Variants in NFIB observed in about 807,000 individuals in gnomAD.
The protein encoded by NFIB is nuclear factor I B.
Under a neutral mutation model 61.5 loss-of-function variants are expected in NFIB, and 11 were observed. The ratio of observed to expected loss-of-function variants is 0.18; its 90% CI spans 0.11 to 0.30. NFIB has a LOEUF of 0.30. Among genes scored for constraint, NFIB ranks in the 10% least tolerant of loss-of-function variants. The pLI is 1.00. For missense variants in NFIB, 471 were observed against 608.9 expected, an observed-to-expected ratio of 0.77 and a Z score of 2.38; for synonymous variants, 260 against 216.5, an observed-to-expected ratio of 1.20 and a Z score of -1.76.
intron 1 of NFIB, among the ~76,000 whole-genome samples, chr9:14,321,080 C>T (rs1006423096): frequency 6.6e-6 from 1 of 152,102 alleles, no homozygotes; most frequent in Non-Finnish European, 1.5e-5. Context: ...GTGTCAAAGT[C>T]GAAACTGGCT....
At chr9:14,114,958 T>A (rs1230681941) in intron 9 of NFIB, among the ~76,000 whole-genome samples, 2 of 152,226 alleles carry the variant, frequency 1.3e-5, no homozygotes, top group East Asian at 3.9e-4. Context: ...AGCAAACCTC[T>A]AGAACAAAAT....
the NFIB span, among the ~76,000 whole-genome samples, chr9:14,410,243 C>T: frequency 9.2e-5 from 14 of 151,696 alleles, no homozygotes; most frequent in African/African-American, 3.4e-4. Flanking sequence ...TTCCAAATGA[C>T]CAAGCAGATT....
At chr9:14,236,172 G>A (rs112728467) in intron 2 of NFIB, among the ~76,000 whole-genome samples, 1 of 152,096 alleles carries the variant, frequency 6.6e-6, no homozygotes, top group Non-Finnish European at 1.5e-5. Context: ...ATATGGAACT[G>A]CCCACTAATA....
At chr9:14,426,908 G>A in the NFIB span, among the ~76,000 whole-genome samples, 1 of 152,112 alleles carries the variant, frequency 6.6e-6, no homozygotes, top group Non-Finnish European at 1.5e-5. Flanking sequence ...GAGCCATACT[G>A]AGATCCAGCA....
chr9:14,343,411 A>G (rs927521), intron 1 of NFIB, among the ~76,000 whole-genome samples: 9,010 of 152,136 alleles, frequency 0.059, 898 homozygotes, highest in African/African-American at 0.21. Context: ...TCACCCTTGC[A>G]GCCCAGTAGA....
chr9:14,446,340 TCC>T, the NFIB span, among the ~76,000 whole-genome samples: 21 of 152,362 alleles, frequency 1.4e-4, no homozygotes, highest in African/African-American at 4.8e-4. Context: ...TCTGCTTAAT[TCC>T]CCTTGTCTTA....
chr9:14,148,637 A>T (rs943146122), intron 5 of NFIB, among the ~76,000 whole-genome samples: 2 of 152,164 alleles, frequency 1.3e-5, no homozygotes, highest in African/African-American at 4.8e-5. Context: ...AGGGCAAGTT[A>T]ATGGAAGCAG....
In NFIB at chr9:14,085,747, G is replaced by A. The variant is rs575930589; in HGVS notation, c.*2562C>T. The A allele has an allele frequency of 4.6e-6, 1 of 219,186 alleles. No homozygotes were observed. Among genetic ancestry groups the A allele is most frequent in the African/African-American group, 2.2e-5 (1 of 44,650 alleles). The allele number at this position is 219,186 out of a possible 1,614,324, so 13.6% of individuals were successfully genotyped here. A position where few individuals can be genotyped will look rare whatever the true frequency, so the allele number is the denominator to read the frequency against. On this transcript the variant is annotated 3_prime_UTR_variant, in exon 11 of 11. Transcript: ENST00000380953. ...ATCCATTTGAAGTAGTAAGTCACAGGTAAATCATATCCTATCATTAATGAA... is the reference window on the plus strand; with the variant it reads ...ATCCATTTGAAGTAGTAAGTCACAGATAAATCATATCCTATCATTAATGAA...
At chr9:14,478,377 C>T in the NFIB span, among the ~76,000 whole-genome samples, 1 of 152,200 alleles carries the variant, frequency 6.6e-6, no homozygotes, top group Non-Finnish European at 1.5e-5. Context: ...GCTGTCATCT[C>T]CTTCCTTCAA....
chr9:14,271,045 C>T (rs879291786), intron 2 of NFIB, among the ~76,000 whole-genome samples: 6 of 152,024 alleles, frequency 3.9e-5, no homozygotes, highest in Non-Finnish European at 5.9e-5. Flanking sequence ...CTCACGTATG[C>T]ATGTTTTAAG....
intron 1 of NFIB, among the ~76,000 whole-genome samples, chr9:14,342,306 C>T (rs889570431): frequency 7.2e-5 from 11 of 152,168 alleles, no homozygotes; most frequent in African/African-American, 2.7e-4. Context: ...TGCAGTGTTT[C>T]ATTACTGGGA....
At chr9:14,513,562 A>T in the NFIB span, among the ~76,000 whole-genome samples, 2 of 149,004 alleles carry the variant, frequency 1.3e-5, no homozygotes, top group African/African-American at 4.9e-5. Context: ...CGGGAGCCGG[A>T]GGGTGCAGTG....
At chr9:14,193,358 G>T (rs557707708) in intron 2 of NFIB, among the ~76,000 whole-genome samples, 3 of 152,146 alleles carry the variant, frequency 2.0e-5, no homozygotes, top group Admixed American at 6.5e-5. Context: ...TGTAAAATAT[G>T]ATACATTTAC....
chr9:14,371,371 C>T (rs766201507), intron 1 of NFIB, among the ~76,000 whole-genome samples: 44 of 152,176 alleles, frequency 2.9e-4, no homozygotes, highest in Non-Finnish European at 5.6e-4. Flanking sequence ...TCTAGAAATC[C>T]TTGTTGAAGC....
the NFIB span, among the ~76,000 whole-genome samples, chr9:14,427,357 G>T: frequency 1.3e-5 from 2 of 152,072 alleles, no homozygotes; most frequent in African/African-American, 4.8e-5. Flanking sequence ...GCCTATATTA[G>T]CTTATTCAGT....
chr9:14,452,211 G>A, the NFIB span, among the ~76,000 whole-genome samples: 4 of 152,102 alleles, frequency 2.6e-5, no homozygotes, highest in African/African-American at 7.2e-5. Flanking sequence ...GGTAACACAC[G>A]GAGGGGTGGT....
intron 2 of NFIB, among the ~76,000 whole-genome samples, chr9:14,273,489 T>G (rs997211352): frequency 3.9e-5 from 6 of 152,120 alleles, no homozygotes; most frequent in Non-Finnish European, 5.9e-5. Flanking sequence ...GTGGAGTACC[T>G]GCCGGCAGAT....
the NFIB span, among the ~76,000 whole-genome samples, chr9:14,409,782 A>G: frequency 6.6e-6 from 1 of 152,244 alleles, no homozygotes; most frequent in Admixed American, 6.5e-5. Flanking sequence ...CAGTTAAAAT[A>G]GAATTGGACT....
At position 14,213,153 on chromosome 9, in the gene NFIB, A is replaced by G. The variant is rs186520149; in HGVS notation, c.563-33373T>C. 1.6e-4 allele frequency among the ~76,000 whole-genome samples: 25 copies of G among 152,352 alleles called. No individual in the cohort carries two copies. In the East Asian group the frequency reaches 4.6e-3, roughly 28 times the overall value. On this transcript the variant is annotated intron_variant, in intron 2 of 10. Coordinates refer to ENST00000380953, the MANE Select transcript of NFIB (RefSeq NM_001190737.2). ...ATTACACCTTTCTTTTTAAAATGCT[A>G]TGATAATCTTCTCACTGCCTGGGAA...
Sources: allele counts gnomAD v4.1 joint callset (sites outside exome capture counted in the v4.1 genomes callset), GRCh38; gene constraint gnomAD v4.1.1; transcripts MANE v1.5; gene names NCBI Gene and HGNC (gene_info 2026-07-23, HGNC 2026-07-21).